Variants in CUL5 observed in about 807,000 individuals in gnomAD.
CUL5 encodes cullin 5, also known as cullin-5.
In CUL5, 26 loss-of-function variants were observed where a neutral mutation model predicts 108.8. That is an observed-to-expected ratio of 0.24 (90% CI 0.18 to 0.33). The LOEUF is 0.33. Among genes scored for constraint, CUL5 ranks in the 10% least tolerant of loss-of-function variants. The pLI, the probability that CUL5 is intolerant of heterozygous loss-of-function variation, is 1.00. For synonymous variants in CUL5, 334 were observed against 298.0 expected (o/e 1.12, Z -1.25); for missense variants, 524 against 909.2 (o/e 0.58, Z 5.45).
intron 10 of CUL5, among the ~76,000 whole-genome samples, chr11:108,076,981 A>G (rs1285700266): frequency 6.6e-6 from 1 of 152,252 alleles, no homozygotes; most frequent in Admixed American, 6.5e-5. Flanking sequence ...AAACATCCAT[A>G]TGGTAATGTT....
chr11:108,046,213 GTT>G, intron 2 of CUL5, 55 bp from the exon 3 acceptor site: 1 of 1,199,450 alleles, frequency 8.3e-7, no homozygotes, highest in Non-Finnish European at 1.2e-6. Flanking sequence ...AATTTAAGAT[GTT>G]TTGTTCAGTT....
intron 18 of CUL5, 75 bp downstream of exon 18, chr11:108,098,604 CT>C (rs1565271542): frequency 1.6e-6 from 2 of 1,237,948 alleles, no homozygotes; most frequent in Non-Finnish European, 2.1e-6. Flanking sequence ...ATTTTGAAAT[CT>C]TTTTTGAATT....
chr11:108,074,532 T>G (rs889383674), intron 10 of CUL5, among the ~76,000 whole-genome samples: 3 of 151,706 alleles, frequency 2.0e-5, no homozygotes, highest in Non-Finnish European at 2.9e-5. Context: ...ATAGGCCAGG[T>G]GCAGTGGCTC....
chr11:108,101,523 G>A (rs560459073), intron 18 of CUL5, among the ~76,000 whole-genome samples: 2 of 152,288 alleles, frequency 1.3e-5, no homozygotes, highest in African/African-American at 2.4e-5. Context: ...TACATCTTCT[G>A]TGTGGCTCCT....
At chr11:108,024,239 A>G (rs2135061439) in intron 1 of CUL5, among the ~76,000 whole-genome samples, 1 of 152,242 alleles carries the variant, frequency 6.6e-6, no homozygotes, top group Non-Finnish European at 1.5e-5. Context: ...ACTTAATCTC[A>G]GGTTGTACAG....
chr11:108,058,969 A>G (rs1442296729), intron 7 of CUL5, among the ~76,000 whole-genome samples: 2 of 152,198 alleles, frequency 1.3e-5, no homozygotes, highest in Admixed American at 6.5e-5. Flanking sequence ...TAACACAACC[A>G]TAAGAAAAGA....
At chr11:108,012,849 G>A (rs1356036730) in intron 1 of CUL5, among the ~76,000 whole-genome samples, 2 of 151,972 alleles carry the variant, frequency 1.3e-5, no homozygotes, top group East Asian at 1.9e-4. Flanking sequence ...CGCCTACCTC[G>A]GCCACCCAAA....
At chr11:108,091,732 C>CAT (rs1555024090) in intron 13 of CUL5, among the ~76,000 whole-genome samples, 129 of 149,924 alleles carry the variant, frequency 8.6e-4, no homozygotes, top group African/African-American at 3.0e-3. Context: ...CACACACACA[C>CAT]GACAAATAAT....
At chr11:108,034,214 A>G (rs927685155) in intron 2 of CUL5, among the ~76,000 whole-genome samples, 3 of 152,174 alleles carry the variant, frequency 2.0e-5, no homozygotes, top group African/African-American at 7.2e-5. Context: ...GCTTCCAAGA[A>G]GAGTCCTTTC....
intron 1 of CUL5, among the ~76,000 whole-genome samples, chr11:108,014,515 C>T (rs1261915605): frequency 6.6e-6 from 1 of 152,102 alleles, no homozygotes; most frequent in African/African-American, 2.4e-5. Context: ...CTCAAGCCCT[C>T]AATCTATTTT....
At chr11:108,086,825 A>G (rs1739407857) in intron 11 of CUL5, among the ~76,000 whole-genome samples, 1 of 152,198 alleles carries the variant, frequency 6.6e-6, no homozygotes, top group African/African-American at 2.4e-5. Context: ...CAGATGGCCT[A>G]AGACAGGAAT....
intron 11 of CUL5, among the ~76,000 whole-genome samples, chr11:108,087,359 T>G (rs1333670105): frequency 2.0e-5 from 3 of 152,234 alleles, no homozygotes; most frequent in African/African-American, 7.2e-5. Flanking sequence ...TACTTAAAAT[T>G]TGGATAGCTC....
chr11:108,081,465 G>T (rs950732695), intron 11 of CUL5, among the ~76,000 whole-genome samples: 16 of 150,036 alleles, frequency 1.1e-4, no homozygotes, highest in African/African-American at 3.9e-4. Flanking sequence ...TCAAAAATCG[G>T]TTGGCTGCCA....
At chr11:108,062,255 C>T (rs1277594711) in intron 7 of CUL5, among the ~76,000 whole-genome samples, 1 of 152,050 alleles carries the variant, frequency 6.6e-6, no homozygotes, top group Non-Finnish European at 1.5e-5. Flanking sequence ...TACATCTTTT[C>T]TCACACTTGG....
intron 18 of CUL5, among the ~76,000 whole-genome samples, chr11:108,103,089 C>G (rs377116209): frequency 2.6e-5 from 4 of 152,178 alleles, no homozygotes; most frequent in African/African-American, 9.7e-5. Context: ...AGCCACCACA[C>G]CCGGCATATA....
rs1315891563 is a variant in CUL5 at position 108,107,398 on chromosome 11, T to C, written c.*3014T>C. 1 of 152,664 alleles carries C rather than the reference T, an allele frequency of 6.6e-6. No homozygotes were observed. The highest frequency in any genetic ancestry group is 2.4e-5 in the African/African-American group (1 of 41,456). 9.5% of individuals were successfully genotyped at this position (152,664 alleles called of 1,614,324 possible). ...GCTAGTTTTACAGAAAGATTTGCTA[T>C]CTTAAACTCAAGCTGGTTTTTCTGT... On this transcript the variant is annotated 3_prime_UTR_variant, in exon 19 of 19. Transcript: ENST00000393094.
chr11:108,016,806 A>C (rs983802724), intron 1 of CUL5, among the ~76,000 whole-genome samples: 3 of 152,080 alleles, frequency 2.0e-5, no homozygotes, highest in South Asian at 2.1e-4. Flanking sequence ...ACAAAAAAAA[A>C]CAAACAAAAA....
At chr11:108,074,087 T>C (rs1191793303) in intron 10 of CUL5, 1 of 152,152 alleles carries the variant, frequency 6.6e-6, no homozygotes, top group South Asian at 2.1e-4. Flanking sequence ...TTTTTTCTCT[T>C]CTTTGACTAC....
In CUL5 at chr11:108,009,871, C is replaced by G. The variant is rs528649744; in HGVS notation, c.24+499C>G. Among the ~76,000 whole-genome samples the G allele has an allele frequency of 3.3e-5, 5 of 152,256 alleles. No homozygotes were observed. In the East Asian group the frequency reaches 5.8e-4, roughly 18 times the overall value. On this transcript the variant is annotated intron_variant, in intron 1 of 18. Coordinates refer to ENST00000393094, the MANE Select transcript of CUL5 (RefSeq NM_003478.6). ...ACCAGCAGTGCCTCCCACTCCACCC[C>G]CCTTCCTCCCTTTTCTGCGTGTTAC... is the stretch of plus-strand genomic sequence containing the variant.
Sources: allele counts gnomAD v4.1 joint callset (sites outside exome capture counted in the v4.1 genomes callset), GRCh38; gene constraint gnomAD v4.1.1; transcripts MANE v1.5; gene names NCBI Gene and HGNC (gene_info 2026-07-23, HGNC 2026-07-21).